The following SGCZ variants were observed in gnomAD, a reference collection of about 807,000 sequenced individuals.
SGCZ encodes the protein zeta-sarcoglycan.
Under a neutral mutation model 41.3 loss-of-function variants are expected in SGCZ, and 40 were observed. That is an observed-to-expected ratio of 0.97 (90% CI 0.75 to 1.26). SGCZ has a LOEUF of 1.26. Among genes scored for constraint, SGCZ ranks in the 50% most tolerant of loss-of-function variants. SGCZ has a pLI of 0.00. For missense variants in SGCZ, 552 were observed against 369.8 expected, an observed-to-expected ratio of 1.49 and a Z score of -4.04; for synonymous variants, 206 against 137.5, an observed-to-expected ratio of 1.50 and a Z score of -3.49.
At chr8:14,778,322 T>A (rs908266371) in intron 1 of SGCZ, among the ~76,000 whole-genome samples, 5 of 152,286 alleles carry the variant, frequency 3.3e-5, no homozygotes, top group African/African-American at 1.2e-4. Flanking sequence ...AGAATAGGAT[T>A]TCTCAAGAGA....
At chr8:14,841,936 T>C (rs1308687741) in intron 1 of SGCZ, among the ~76,000 whole-genome samples, 2 of 152,156 alleles carry the variant, frequency 1.3e-5, no homozygotes, top group African/African-American at 4.8e-5. Flanking sequence ...GCTTCCATAA[T>C]AGAATCACCA....
chr8:14,340,800 T>C (rs1044608387), intron 2 of SGCZ, among the ~76,000 whole-genome samples: 18 of 152,132 alleles, frequency 1.2e-4, no homozygotes, highest in African/African-American at 3.9e-4. Flanking sequence ...AAAATAAAAT[T>C]AACCATTTAA....
At chr8:14,822,200 G>C (rs1802122186) in intron 1 of SGCZ, among the ~76,000 whole-genome samples, 1 of 151,714 alleles carries the variant, frequency 6.6e-6, no homozygotes, top group East Asian at 1.9e-4. Flanking sequence ...TAATAATTAA[G>C]CCTATGAAGA....
At chr8:14,719,338 G>T (rs1044403814) in intron 1 of SGCZ, among the ~76,000 whole-genome samples, 2 of 150,226 alleles carry the variant, frequency 1.3e-5, no homozygotes, top group African/African-American at 4.9e-5. Context: ...CTTTATAGCA[G>T]CATGATTTAT....
chr8:14,413,143 T>C (rs1799406086), intron 2 of SGCZ, among the ~76,000 whole-genome samples: 1 of 151,978 alleles, frequency 6.6e-6, no homozygotes, highest in Admixed American at 6.6e-5. Context: ...ATCTTTTCTG[T>C]AAATCATAAG....
intron 1 of SGCZ, among the ~76,000 whole-genome samples, chr8:15,066,078 G>A (rs1255561605): frequency 1.3e-5 from 2 of 152,014 alleles, no homozygotes; most frequent in East Asian, 1.9e-4. Context: ...GGAGGCCGAG[G>A]CGGGTGGATC....
At chr8:14,248,243 G>T (rs557264474) in intron 3 of SGCZ, among the ~76,000 whole-genome samples, 2 of 152,086 alleles carry the variant, frequency 1.3e-5, no homozygotes, top group Non-Finnish European at 2.9e-5. Context: ...AGTATTGCAT[G>T]CTTATGGCTT....
At chr8:15,176,133 G>C (rs1799994378) in intron 1 of SGCZ, among the ~76,000 whole-genome samples, 1 of 152,096 alleles carries the variant, frequency 6.6e-6, no homozygotes, top group South Asian at 2.1e-4. Context: ...ATCTAATTAG[G>C]TGACAGTTCT....
chr8:14,544,162 A>G (rs375557790), intron 2 of SGCZ, among the ~76,000 whole-genome samples: 4 of 152,284 alleles, frequency 2.6e-5, no homozygotes, highest in South Asian at 4.1e-4. Context: ...TGAAAATTTC[A>G]TCTTAATATG....
chr8:15,074,908 C>G (rs1206932912), intron 1 of SGCZ, among the ~76,000 whole-genome samples: 1 of 152,170 alleles, frequency 6.6e-6, no homozygotes, highest in Admixed American at 6.5e-5. Context: ...CTGTGTATCT[C>G]TGTATCTGAC....
At chr8:14,619,126 C>G (rs1026255283) in intron 1 of SGCZ, among the ~76,000 whole-genome samples, 1 of 152,118 alleles carries the variant, frequency 6.6e-6, no homozygotes. Context: ...GGATGCAAGG[C>G]TGGTTCAACA....
chr8:14,806,063 T>C (rs932991958), intron 1 of SGCZ, among the ~76,000 whole-genome samples: 9 of 151,574 alleles, frequency 5.9e-5, no homozygotes, highest in African/African-American at 2.2e-4. Flanking sequence ...CCAGAATCTC[T>C]GGGACGCATT....
chr8:15,006,316 G>C (rs1311265851), intron 1 of SGCZ, among the ~76,000 whole-genome samples: 1 of 152,106 alleles, frequency 6.6e-6, no homozygotes, highest in Non-Finnish European at 1.5e-5. Context: ...TCAGAACTGT[G>C]TCCCCATTTG....
intron 5 of SGCZ, among the ~76,000 whole-genome samples, chr8:14,150,627 CA>C (rs528004050): frequency 2.6e-5 from 4 of 151,646 alleles, no homozygotes; most frequent in East Asian, 1.9e-4. Context: ...CCTCAGAAAA[CA>C]AAAAAAATTG....
intron 3 of SGCZ, among the ~76,000 whole-genome samples, chr8:14,305,596 C>G (rs1008474718): frequency 2.0e-5 from 3 of 152,146 alleles, no homozygotes; most frequent in Non-Finnish European, 4.4e-5. Context: ...ATAGTTCAGT[C>G]TGTCAGAGAG....
intron 1 of SGCZ, among the ~76,000 whole-genome samples, chr8:14,669,156 A>G (rs907391789): frequency 6.7e-6 from 1 of 149,874 alleles, no homozygotes; most frequent in Admixed American, 6.7e-5. Flanking sequence ...GCAACATGGT[A>G]AAACCTCGTC....
chr8:15,233,870 T>C (rs553588416), intron 1 of SGCZ, among the ~76,000 whole-genome samples: 1 of 152,278 alleles, frequency 6.6e-6, no homozygotes, highest in South Asian at 2.1e-4. Flanking sequence ...AAATAAAATC[T>C]AGGATCTAAC....
At chr8:14,923,118 A>G (rs995820924) in intron 1 of SGCZ, among the ~76,000 whole-genome samples, 2 of 152,202 alleles carry the variant, frequency 1.3e-5, no homozygotes, top group Admixed American at 6.5e-5. Context: ...ATCTCCTGAC[A>G]GGAAAAAGAA....
At chr8:14,716,157 T>G (rs896975547) in intron 1 of SGCZ, among the ~76,000 whole-genome samples, 1 of 152,022 alleles carries the variant, frequency 6.6e-6, no homozygotes, top group Middle Eastern at 3.4e-3. Flanking sequence ...ATGACATAAT[T>G]GAGCCGAGTA....
Sources: gnomAD v4.1 joint callset for allele counts (sites outside exome capture counted in the v4.1 genomes callset) on GRCh38, gnomAD v4.1.1 for gene constraint, MANE v1.5 for transcripts, NCBI Gene and HGNC (gene_info 2026-07-23, HGNC 2026-07-21) for gene names.